ASIC2: variants seen among roughly 807,000 people sequenced by gnomAD.
ASIC2 encodes acid-sensing ion channel 2.
ASIC2 carries 25 observed loss-of-function variants against 57.3 expected under a neutral mutation model. The ratio of observed to expected loss-of-function variants is 0.44; its 90% CI spans 0.32 to 0.61. The LOEUF (loss-of-function observed/expected upper bound fraction) is 0.61. Ranked by LOEUF, ASIC2 falls within the 20% of genes least tolerant of loss-of-function variation. The pLI is 0.06. For synonymous variants in ASIC2, 319 were observed against 307.5 expected (o/e 1.04, Z -0.39); for missense variants, 641 against 738.1 (o/e 0.87, Z 1.52).
chr17:33,368,691 C>G (rs974233673), intron 1 of ASIC2, among the ~76,000 whole-genome samples: 2 of 152,196 alleles, frequency 1.3e-5, no homozygotes, highest in African/African-American at 2.4e-5. Context: ...TGATTTCTCC[C>G]CCATTTAAGG....
rs551534771 is a variant in ASIC2 at position 34,114,168 on chromosome 17, G to T, written c.555+41810C>A. ...ATGCTCTTAGATCAAGAAGAAATTG[G>T]CAGTGCAGTTGTCCAAGCTGGCTGA... On this transcript the variant is annotated intron_variant, in intron 1 of 9. Transcript: ENST00000359872. Among the ~76,000 whole-genome samples, 3 of 152,308 alleles carry T rather than the reference G, an allele frequency of 2.0e-5. No individual in the cohort carries two copies. The East Asian group carries it at 5.8e-4, about 29-fold the overall frequency.
intron 1 of ASIC2, among the ~76,000 whole-genome samples, chr17:33,953,869 T>C (rs1338908350): frequency 1.3e-5 from 2 of 152,156 alleles, no homozygotes; most frequent in African/African-American, 4.8e-5. Flanking sequence ...ATAGAAACTA[T>C]AGATTAAGAT....
intron 1 of ASIC2, among the ~76,000 whole-genome samples, chr17:33,352,082 T>C (rs191580380): frequency 6.6e-6 from 1 of 152,178 alleles, no homozygotes; most frequent in East Asian, 1.9e-4. Flanking sequence ...TGCTTCCTAC[T>C]CCCTGGGTTA....
At chr17:33,193,846 T>C (rs955873114) in intron 1 of ASIC2, among the ~76,000 whole-genome samples, 2 of 152,216 alleles carry the variant, frequency 1.3e-5, no homozygotes, top group Non-Finnish European at 2.9e-5. Flanking sequence ...TGTGGGATTA[T>C]GTAGTTTCTG....
chr17:33,390,320 C>CA (rs796828558), intron 1 of ASIC2, among the ~76,000 whole-genome samples: 21 of 150,312 alleles, frequency 1.4e-4, no homozygotes, highest in African/African-American at 3.4e-4. Context: ...CCCCCTTCCT[C>CA]AAAAAAAAAG....
intron 1 of ASIC2, among the ~76,000 whole-genome samples, chr17:33,566,588 G>T (rs1195291122): frequency 6.6e-6 from 1 of 152,182 alleles, no homozygotes; most frequent in Non-Finnish European, 1.5e-5. Flanking sequence ...TGGGCAGCTG[G>T]ATGTGCTATA....
chr17:33,228,245 CAG>C (rs1472773519), intron 1 of ASIC2, among the ~76,000 whole-genome samples: 1 of 152,110 alleles, frequency 6.6e-6, no homozygotes, highest in Non-Finnish European at 1.5e-5. Context: ...TGGAACTAGA[CAG>C]TGGTGATGGT....
At chr17:33,118,745 G>A (rs2092290176) in intron 1 of ASIC2, among the ~76,000 whole-genome samples, 1 of 152,172 alleles carries the variant, frequency 6.6e-6, no homozygotes. Flanking sequence ...TGGAGGGAGA[G>A]TAGAGATCTG....
chr17:33,270,196 C>G (rs1424462715), intron 1 of ASIC2, among the ~76,000 whole-genome samples: 1 of 152,210 alleles, frequency 6.6e-6, no homozygotes, highest in Non-Finnish European at 1.5e-5. Flanking sequence ...AGTAAACCCC[C>G]AGGTTGGCAA....
chr17:34,120,434 ATTAGAC>A (rs1911574455), intron 1 of ASIC2, among the ~76,000 whole-genome samples: 1 of 152,064 alleles, frequency 6.6e-6, no homozygotes, highest in African/African-American at 2.4e-5. Context: ...TAGATGAGAT[ATTAGAC>A]TTAGAGTTGA....
At chr17:33,222,893 C>T (rs549120975) in intron 1 of ASIC2, among the ~76,000 whole-genome samples, 3 of 152,216 alleles carry the variant, frequency 2.0e-5, no homozygotes, top group Admixed American at 6.5e-5. Flanking sequence ...TACTAGATAG[C>T]CAGTTCACAT....
At chr17:33,935,801 A>C (rs1237449440) in intron 1 of ASIC2, 4 of 152,196 alleles carry the variant, frequency 2.6e-5, no homozygotes, top group Admixed American at 1.3e-4. Flanking sequence ...CTGGGACACA[A>C]AAAGGGATAC....
intron 1 of ASIC2, among the ~76,000 whole-genome samples, chr17:34,036,289 G>A (rs901545136): frequency 2.1e-5 from 3 of 145,824 alleles, no homozygotes; most frequent in African/African-American, 5.1e-5. Context: ...ACCAAACATC[G>A]CATGTTCTCA....
intron 3 of ASIC2, among the ~76,000 whole-genome samples, chr17:33,062,568 T>A (rs528294289): frequency 7.2e-5 from 11 of 152,164 alleles, no homozygotes; most frequent in African/African-American, 9.6e-5. Context: ...TGCTGAGGAG[T>A]GCTTTACTTC....
intron 1 of ASIC2, among the ~76,000 whole-genome samples, chr17:33,572,521 G>C (rs1194554768): frequency 6.6e-6 from 1 of 152,160 alleles, no homozygotes; most frequent in Non-Finnish European, 1.5e-5. Context: ...CAAGGAAAGG[G>C]GGACTCAGGG....
chr17:33,092,519 A>C (rs2092161527), intron 2 of ASIC2, among the ~76,000 whole-genome samples: 1 of 152,270 alleles, frequency 6.6e-6, no homozygotes, highest in African/African-American at 2.4e-5. Context: ...CCACTCCCAG[A>C]AATTCTGATT....
At chr17:33,395,570 G>C (rs1276159322) in intron 1 of ASIC2, among the ~76,000 whole-genome samples, 1 of 152,126 alleles carries the variant, frequency 6.6e-6, no homozygotes, top group African/African-American at 2.4e-5. Flanking sequence ...TGGAGACAGG[G>C]CCAAACCCTA....
chr17:33,065,034 C>G (rs982406189), intron 3 of ASIC2, among the ~76,000 whole-genome samples: 3 of 151,842 alleles, frequency 2.0e-5, no homozygotes, highest in Non-Finnish European at 4.4e-5. Context: ...TGGGGAAGGT[C>G]ATTAAATTCT....
chr17:33,674,717 C>G (rs1397704117), intron 1 of ASIC2, among the ~76,000 whole-genome samples: 1 of 152,170 alleles, frequency 6.6e-6, no homozygotes, highest in Non-Finnish European at 1.5e-5. Context: ...ATCCATGCCG[C>G]TCGTTCTGTG....
Sources: allele counts gnomAD v4.1 joint callset (sites outside exome capture counted in the v4.1 genomes callset), GRCh38; gene constraint gnomAD v4.1.1; transcripts MANE v1.5; gene names NCBI Gene and HGNC (gene_info 2026-07-23, HGNC 2026-07-21).